ANKRD7: variants seen among roughly 807,000 people sequenced by gnomAD.
ANKRD7 encodes the protein ankyrin repeat domain 7, also known as ankyrin repeat domain-containing protein 7.
In ANKRD7, 30 loss-of-function variants were observed where a neutral mutation model predicts 30.8. The ratio of observed to expected loss-of-function variants is 0.97; its 90% CI spans 0.73 to 1.32. ANKRD7 has a LOEUF of 1.32. ANKRD7 is among the 40% of genes most tolerant of loss of function. The probability of loss-of-function intolerance (pLI) is 0.00; values close to 1 mark genes in which losing one functional copy is unlikely to be tolerated. For synonymous variants in ANKRD7, 97 were observed against 106.6 expected (o/e 0.91, Z 0.55); for missense variants, 264 against 295.7 (o/e 0.89, Z 0.79).
intron 5 of ANKRD7, among the ~76,000 whole-genome samples, chr7:118,238,063 T>C (rs1809763027): frequency 6.6e-6 from 1 of 152,164 alleles, no homozygotes; most frequent in African/African-American, 2.4e-5. Context: ...AACTTGTATA[T>C]TTAAAATACT....
intron 1 of ANKRD7, 40 bp downstream of exon 1, chr7:118,225,049 G>A (rs1250989169): frequency 6.2e-7 from 1 of 1,601,608 alleles, no homozygotes; most frequent in African/African-American, 1.4e-5. Flanking sequence ...GACGGGTTGG[G>A]GCCTGGGTCG....
intron 1 of ANKRD7, among the ~76,000 whole-genome samples, chr7:118,233,209 T>C (rs1809669010): frequency 6.6e-6 from 1 of 152,122 alleles, no homozygotes; most frequent in Non-Finnish European, 1.5e-5. Flanking sequence ...AAGTACTTCT[T>C]TGTTCGTTCC....
In ANKRD7 at chr7:118,224,707, A is replaced by AT. The variant is rs2115987374; in HGVS notation, c.-121dup. On this transcript the variant is annotated 5_prime_UTR_variant, in exon 1 of 7. Transcript: ENST00000265224. ...GCCGGCTGCGCGAGGCCCTTCCAGCATTTCCACTTTCGTCAGGTACTGGAG... is the reference window on the plus strand; with the variant it reads ...GCCGGCTGCGCGAGGCCCTTCCAGCATTTTCCACTTTCGTCAGGTACTGGAG... The AT allele has an allele frequency of 6.6e-7, 1 of 1,504,064 alleles. No individual in the cohort carries two copies. The highest frequency in any genetic ancestry group is 8.9e-7 in the Non-Finnish European group (1 of 1,129,540). The allele number at this position is 1,504,064 out of a possible 1,614,324, so 93.2% of individuals were successfully genotyped here.
At chr7:118,225,621 G>A (rs1328653321) in intron 1 of ANKRD7, among the ~76,000 whole-genome samples, 3 of 151,880 alleles carry the variant, frequency 2.0e-5, no homozygotes, top group Admixed American at 6.6e-5. Context: ...GTAATAGATC[G>A]TCCCCAGGCA....
At chr7:118,235,072 T>C (rs1335734716) in intron 3 of ANKRD7, among the ~76,000 whole-genome samples, 198 bp downstream of exon 3, 1 of 152,180 alleles carries the variant, frequency 6.6e-6, no homozygotes, top group Admixed American at 6.5e-5. Flanking sequence ...TTATTGCAGA[T>C]TGTAATCCTG....
At chr7:118,240,594 T>C in intron 6 of ANKRD7, among the ~76,000 whole-genome samples, 1 of 152,252 alleles carries the variant, frequency 6.6e-6, no homozygotes, top group African/African-American at 2.4e-5. Context: ...TGTAAAAATA[T>C]GCTTAATGAT....
intron 1 of ANKRD7, among the ~76,000 whole-genome samples, chr7:118,230,632 A>ATG (rs2116002894): frequency 1.3e-5 from 2 of 150,196 alleles, no homozygotes; most frequent in East Asian, 2.0e-4. Flanking sequence ...TTCTGTTTGA[A>ATG]CGTGTGTGTG....
At chr7:118,226,309 T>C (rs1043056117) in intron 1 of ANKRD7, among the ~76,000 whole-genome samples, 1 of 152,154 alleles carries the variant, frequency 6.6e-6, no homozygotes, top group Non-Finnish European at 1.5e-5. Context: ...GAGTTTCTCA[T>C]AGAGAGCATA....
At chr7:118,234,327 G>T (rs772422670) in intron 1 of ANKRD7, 104 bp from the exon 2 acceptor site, 203 of 591,714 alleles carry the variant, frequency 3.4e-4, no homozygotes, top group Non-Finnish European at 5.1e-4. Flanking sequence ...TGTGCATGAA[G>T]CAAGTACCTT....
rs67297938 is a variant in ANKRD7, at chr7:118,227,906, C to CTTTTTT, written c.179+2906_179+2911dup. ...ATTTAGCTTATTGATAGTATTATGT[C>CTTTTTT]TTTTTTTTTTTTTTAACAAAAACAG... On this transcript the variant is annotated intron_variant, in intron 1 of 6. Coordinates refer to ENST00000265224, the MANE Select transcript of ANKRD7 (RefSeq NM_019644.4). The CTTTTTT allele has an allele frequency of 3.3e-4, 407 of 1,243,116 alleles. 1 individual carries two copies. The African/African-American group carries it at 6.2e-3, about 19-fold the overall frequency. The allele number at this position is 1,243,116 out of a possible 1,614,324, so 77.0% of individuals were successfully genotyped here. A position where few individuals can be genotyped will look rare whatever the true frequency, so the allele number is the denominator to read the frequency against.
At chr7:118,228,719 C>T (rs1282626290) in intron 1 of ANKRD7, among the ~76,000 whole-genome samples, 1 of 152,106 alleles carries the variant, frequency 6.6e-6, no homozygotes, top group African/African-American at 2.4e-5. Context: ...CCTTCACATC[C>T]ATTTGATTAA....
chr7:118,231,517 T>A (rs933557543), intron 1 of ANKRD7, among the ~76,000 whole-genome samples: 1 of 152,062 alleles, frequency 6.6e-6, no homozygotes, highest in African/African-American at 2.4e-5. Flanking sequence ...TGGTTACTTC[T>A]CCTTCACTCA....
Position 118,236,234 on chromosome 7 carries a change from G to T in ANKRD7, c.575+87G>T, listed in dbSNP as rs561532300. ...TATGTGTGTGTGTGTGTGTGTGTGT[G>T]TGTGTCCACAAAACACAATATATAT... On this transcript the variant is annotated intron_variant, in intron 4 of 6. Coordinates refer to ENST00000265224, the MANE Select transcript of ANKRD7 (RefSeq NM_019644.4). 357 of 758,988 alleles carry T rather than the reference G, an allele frequency of 4.7e-4. 1 individual carries two copies. Among genetic ancestry groups the T allele is most frequent in the Admixed American group, 1.1e-4 (4 of 36,818 alleles). The allele number at this position is 758,988 out of a possible 1,614,324, so 47.0% of individuals were successfully genotyped here. A position where few individuals can be genotyped will look rare whatever the true frequency, so the allele number is the denominator to read the frequency against.
chr7:118,236,207 C>CGTCTGT, intron 4 of ANKRD7, 60 bp downstream of exon 4: 1 of 595,870 alleles, frequency 1.7e-6, no homozygotes, highest in Non-Finnish European at 2.8e-6. Flanking sequence ...TGTGTGTGTG[C>CGTCTGT]GTATGTGTGT....
intron 1 of ANKRD7, among the ~76,000 whole-genome samples, chr7:118,227,353 G>A (rs980946064): frequency 1.3e-5 from 2 of 152,198 alleles, no homozygotes; most frequent in Admixed American, 6.5e-5. Flanking sequence ...GCTCTCTTGG[G>A]TAAAGCTGGG....
At chr7:118,233,616 G>GGT (rs1301289411) in intron 1 of ANKRD7, among the ~76,000 whole-genome samples, 1 of 151,774 alleles carries the variant, frequency 6.6e-6, no homozygotes, top group Non-Finnish European at 1.5e-5. Context: ...GGTTTATTTA[G>GGT]GTACCCATAG....
chr7:118,238,215 T>A (rs1159297262), intron 5 of ANKRD7, among the ~76,000 whole-genome samples: 2 of 152,224 alleles, frequency 1.3e-5, no homozygotes, highest in African/African-American at 4.8e-5. Flanking sequence ...TCATTAATTT[T>A]AAAATACAAA....
Position 118,239,982 on chromosome 7 carries a change from C to A in ANKRD7, c.*21C>A. The A allele has an allele frequency of 6.5e-7, 1 of 1,546,416 alleles. No individual in the cohort carries two copies. Among genetic ancestry groups the A allele is most frequent in the Non-Finnish European group, 8.8e-7 (1 of 1,140,022 alleles). ...AATAGACACCTTATTCTTGGCACTA[C>A]ATGTGACTAAAGGAAGGTAAGATTG... On this transcript the variant is annotated 3_prime_UTR_variant, in exon 6 of 7. Transcript: ENST00000265224.
chr7:118,233,308 T>C (rs917400198), intron 1 of ANKRD7, among the ~76,000 whole-genome samples: 15 of 152,116 alleles, frequency 9.9e-5, no homozygotes, highest in African/African-American at 3.6e-4. Flanking sequence ...GACTGTCTTC[T>C]TCCTGACTGT....
Sources: gnomAD v4.1 joint callset for allele counts (sites outside exome capture counted in the v4.1 genomes callset) on GRCh38, gnomAD v4.1.1 for gene constraint, MANE v1.5 for transcripts, NCBI Gene and HGNC (gene_info 2026-07-23, HGNC 2026-07-21) for gene names.